The following RIBC2 variants were observed in gnomAD, a reference collection of about 807,000 sequenced individuals.
RIBC2 encodes RIB43A-like with coiled-coils protein 2.
RIBC2 carries 40 observed loss-of-function variants against 44.3 expected under a neutral mutation model. The ratio of observed to expected loss-of-function variants is 0.90; its 90% confidence interval spans 0.70 to 1.18. The LOEUF (loss-of-function observed/expected upper bound fraction) is 1.18, where lower values mean the gene tolerates loss of function less well. Ranked by LOEUF, RIBC2 falls within the 50% of genes most tolerant of loss-of-function variation. The pLI is 0.00. For synonymous variants in RIBC2, 171 were observed against 175.0 expected (o/e 0.98, Z 0.18); for missense variants, 459 against 485.5 (o/e 0.95, Z 0.51).
intron 3 of RIBC2, among the ~76,000 whole-genome samples, chr22:45,420,562 C>T (rs983294153): frequency 6.6e-6 from 1 of 152,188 alleles, no homozygotes; most frequent in Non-Finnish European, 1.5e-5. Flanking sequence ...TCACAGGACC[C>T]TTCACAACAT....
intron 5 of RIBC2, among the ~76,000 whole-genome samples, chr22:45,430,546 C>T (rs1373149082): frequency 1.3e-5 from 2 of 152,160 alleles, no homozygotes; most frequent in Non-Finnish European, 2.9e-5. Context: ...GCTGACTGAG[C>T]CAGGGAGCCC....
intron 5 of RIBC2, among the ~76,000 whole-genome samples, chr22:45,426,468 G>C: frequency 6.6e-6 from 1 of 152,252 alleles, no homozygotes; most frequent in East Asian, 1.9e-4. Flanking sequence ...AAGGGCGACC[G>C]GGCAGGGTGA....
chr22:45,418,097 G>C, intron 3 of RIBC2, 151 bp downstream of exon 3: 1 of 593,342 alleles, frequency 1.7e-6, no homozygotes, highest in Non-Finnish European at 2.8e-6. Context: ...TCCTACCAAT[G>C]TGCACAGACA....
At chr22:45,420,234 G>A (rs2087465233) in intron 3 of RIBC2, among the ~76,000 whole-genome samples, 1 of 151,980 alleles carries the variant, frequency 6.6e-6, no homozygotes, top group Non-Finnish European at 1.5e-5. Flanking sequence ...GCTCACTTCT[G>A]CCTCAGGGCC....
At chr22:45,414,133 C>T in intron 1 of RIBC2, 118 bp downstream of exon 1, 6 of 1,486,180 alleles carry the variant, frequency 4.0e-6, no homozygotes, top group Non-Finnish European at 5.4e-6. Flanking sequence ...CAGCAAACGG[C>T]CTCCTGCAGG....
Position 45,417,995 on chromosome 22 carries a change from CCAACCCTACAGTTTTTTTTTTTTTTTAAG to C in RIBC2, c.556+95_556+123del, listed in dbSNP as rs71315139. The C allele has an allele frequency of 3.5e-3, 4,349 of 1,233,690 alleles. 16 individuals carry two copies. Among genetic ancestry groups the C allele is most frequent in the Admixed American group, 3.9e-3 (129 of 33,450 alleles). The allele number at this position is 1,233,690 out of a possible 1,614,324, so 76.4% of individuals were successfully genotyped here. A position where few individuals can be genotyped will look rare whatever the true frequency, so the allele number is the denominator to read the frequency against. ...TGGTCTCAACGCTCTCTTCAACAAACCAACCCTACAGTTTTTTTTTTTTTTTAAGCAACCCTACAGTTTTTTTTTTTTTT... is the reference window on the plus strand; with the variant it reads ...TGGTCTCAACGCTCTCTTCAACAAACCAACCCTACAGTTTTTTTTTTTTTT... On this transcript the variant is annotated intron_variant, in intron 3 of 6. Transcript: ENST00000614167.
In RIBC2 at chr22:45,413,949, A is replaced by C. The variant is rs992048023; in HGVS notation, c.63A>C (p.Ala21=). ...ACTTGCGGCAGGACGCCAACCTGGC[A>C]AAGAGGAGGCACGCGGAGCTGTGCA... ...PRDLRQDANL[A]KRRHAELCRQ... The change falls in exon 1 of 7, where the codon GCA becomes GCC. Residue 21 remains alanine (A), a synonymous_variant. Transcript: ENST00000614167. 1 of 1,551,730 alleles carries C rather than the reference A, an allele frequency of 6.4e-7. No homozygotes were observed. Among genetic ancestry groups the C allele is most frequent in the South Asian group, 1.2e-5 (1 of 84,066 alleles).
Position 45,413,818 on chromosome 22 carries a change from C to T in RIBC2, c.-69C>T, listed in dbSNP as rs991129969. 7 of 1,487,578 alleles carry T rather than the reference C, an allele frequency of 4.7e-6. No homozygotes were observed. The highest frequency in any genetic ancestry group is 6.3e-6 in the Non-Finnish European group (7 of 1,113,120). The allele number at this position is 1,487,578 out of a possible 1,614,324, so 92.1% of individuals were successfully genotyped here. The stretch of plus-strand genomic sequence containing the variant: ...ACCGAAGGAGCCGACCTTGCCTGCG[C>T]TACAGCTTCCTTATTTTCGTCGCCT... On this transcript the variant is annotated 5_prime_UTR_variant, in exon 1 of 7. Coordinates refer to ENST00000614167, the MANE Select transcript of RIBC2 (RefSeq NM_015653.5).
chr22:45,431,527 A>G (rs2087580148), intron 6 of RIBC2, among the ~76,000 whole-genome samples: 3 of 152,244 alleles, frequency 2.0e-5, no homozygotes, highest in African/African-American at 7.2e-5. Context: ...GTGAACTTGC[A>G]CCTGAAAAAC....
At chr22:45,421,664 G>T (rs995207045) in intron 3 of RIBC2, among the ~76,000 whole-genome samples, 4 of 151,122 alleles carry the variant, frequency 2.6e-5, no homozygotes, top group African/African-American at 9.7e-5. Flanking sequence ...TAAGGACACA[G>T]GCTCAGCAAG....
intron 6 of RIBC2, among the ~76,000 whole-genome samples, chr22:45,431,392 G>A (rs1038628983): frequency 6.6e-5 from 10 of 152,236 alleles, no homozygotes; most frequent in Admixed American, 5.2e-4. Flanking sequence ...ATTCAGGGAC[G>A]GCTTTCCAGG....
At chr22:45,421,556 ATAG>A (rs2087482796) in intron 3 of RIBC2, among the ~76,000 whole-genome samples, 1 of 34,138 alleles carries the variant, frequency 2.9e-5, no homozygotes, top group Non-Finnish European at 4.6e-5. Flanking sequence ...AATAATAATA[ATAG>A]TATTATTAAT....
chr22:45,430,876 GTGAGCCGCCTCTTTTCCTTCCAGAGGC>G lies in RIBC2; in HGVS notation c.904-22_908del, dbSNP rs1569212238. On this transcript the variant is annotated splice_acceptor_variant and splice_polypyrimidine_tract_variant and coding_sequence_variant and intron_variant, in exon 6 of 7. Transcript: ENST00000614167. LOFTEE classifies it high-confidence loss of function. ...TCTTTGGCTCTGGGGAAAGGTGGTG[GTGAGCCGCCTCTTTTCCTTCCAGAGGC>G]TCCAGGAAGAAAAGCGCCAGCGAGA... The G allele has an allele frequency of 6.5e-7, 1 of 1,537,880 alleles. No homozygotes were observed. The highest frequency in any genetic ancestry group is 2.3e-5 in the East Asian group (1 of 42,572).
In RIBC2 at chr22:45,421,590, TA is replaced by T. The variant is rs199634741; in HGVS notation, c.557-698del. 6.2e-3 allele frequency among the ~76,000 whole-genome samples: 241 copies of T among 39,088 alleles called. 8 individuals carry two copies. Among genetic ancestry groups the T allele is most frequent in the African/African-American group, 0.03 (226 of 7,590 alleles). The allele number at this position is 39,088 out of a possible 152,430, so 25.6% of individuals were successfully genotyped here. A position where few individuals can be genotyped will look rare whatever the true frequency, so the allele number is the denominator to read the frequency against. On this transcript the variant is annotated intron_variant, in intron 3 of 6. Transcript: ENST00000614167. ...TTAATAATAGTATTATTAATAATAA[TA>T]ATAGTATTATTAATAATAATAATGT...
chr22:45,414,180 C>G (rs1460858788), intron 1 of RIBC2, 142 bp from the exon 2 acceptor site: 1 of 1,477,328 alleles, frequency 6.8e-7, no homozygotes, highest in African/African-American at 1.4e-5. Flanking sequence ...CCTGGAGTCA[C>G]CAACGGTTCT....
At position 45,417,633 on chromosome 22, in the gene RIBC2, G is replaced by T. The variant is rs534927341; in HGVS notation, c.243G>T (p.Met81Ile). ...AAEMRQNDKI[M>I]CILENRKKRD... ...AAATGAGGCAAAATGACAAAATCAT[G>T]TGCATATTGGAAAACCGGAAAAAGA... The change falls in exon 3 of 7, where the codon ATG (methionine) becomes ATT (isoleucine). Residue 81 changes from methionine (M) to isoleucine (I), a missense_variant. By Grantham distance (10) the Met-to-Ile change is conservative. Coordinates refer to ENST00000614167, the MANE Select transcript of RIBC2 (RefSeq NM_015653.5). The T allele has an allele frequency of 1.1e-5, 17 of 1,613,474 alleles. No individual in the cohort carries two copies. The South Asian group carries it at 1.9e-4, about 18-fold the overall frequency.
At chr22:45,428,798 T>C (rs996017492) in intron 5 of RIBC2, among the ~76,000 whole-genome samples, 1 of 152,094 alleles carries the variant, frequency 6.6e-6, no homozygotes, top group Non-Finnish European at 1.5e-5. Context: ...CAGGGCCCAC[T>C]AGGGGGTCAT....
chr22:45,421,275 C>A (rs2087474294), intron 3 of RIBC2, among the ~76,000 whole-genome samples: 1 of 149,948 alleles, frequency 6.7e-6, no homozygotes, highest in Non-Finnish European at 1.5e-5. Context: ...GCCTGGGCAA[C>A]AGAGCGAGAC....
intron 3 of RIBC2, chr22:45,418,193 T>C (rs1325626877): frequency 8.4e-6 from 3 of 356,592 alleles, no homozygotes; most frequent in Middle Eastern, 7.7e-4. Flanking sequence ...ACCTCAGTCA[T>C]GTGGAAAACA....
Sources: allele counts gnomAD v4.1 joint callset (sites outside exome capture counted in the v4.1 genomes callset), GRCh38; gene constraint gnomAD v4.1.1; transcripts MANE v1.5; gene names NCBI Gene and HGNC (gene_info 2026-07-23, HGNC 2026-07-21).